Variants in THSD7B observed in about 807,000 individuals in gnomAD.
THSD7B encodes thrombospondin type 1 domain containing 7B, also known as thrombospondin type-1 domain-containing protein 7B.
In THSD7B, 138 loss-of-function variants were observed where a neutral mutation model predicts 213.6. That is an observed-to-expected ratio of 0.65 (90% CI 0.56 to 0.74). THSD7B has a LOEUF of 0.74. THSD7B is among the 30% of genes least tolerant of loss of function. The pLI is 0.00. For synonymous variants in THSD7B, 742 were observed against 687.0 expected, an observed-to-expected ratio of 1.08 and a Z score of -1.25; for missense variants, 1,931 against 1,991.5, an observed-to-expected ratio of 0.97 and a Z score of 0.58.
chr2:137,381,946 G>A (rs1307537844), intron 12 of THSD7B, among the ~76,000 whole-genome samples: 1 of 152,146 alleles, frequency 6.6e-6, no homozygotes, highest in Non-Finnish European at 1.5e-5. Flanking sequence ...TGTGAAATGA[G>A]CGATCCACTG....
At chr2:137,539,435 T>C (rs983829731) in intron 15 of THSD7B, among the ~76,000 whole-genome samples, 13 of 151,634 alleles carry the variant, frequency 8.6e-5, no homozygotes, top group Non-Finnish European at 1.5e-4. Context: ...GATTTTAAGA[T>C]CCAAGAATGT....
intron 12 of THSD7B, among the ~76,000 whole-genome samples, chr2:137,309,214 G>C (rs1683828859): frequency 1.3e-5 from 2 of 151,722 alleles, no homozygotes; most frequent in Middle Eastern, 3.2e-3. Context: ...ACTCATTTTT[G>C]TACTTGAATT....
chr2:137,559,435 A>T (rs1681059029), intron 15 of THSD7B, among the ~76,000 whole-genome samples: 1 of 152,198 alleles, frequency 6.6e-6, no homozygotes, highest in African/African-American at 2.4e-5. Flanking sequence ...CTGATTTTTG[A>T]CAAACCTGAC....
chr2:137,273,815 T>C (rs1311565646), intron 11 of THSD7B, among the ~76,000 whole-genome samples: 1 of 152,092 alleles, frequency 6.6e-6, no homozygotes, highest in Non-Finnish European at 1.5e-5. Context: ...CTGTCAATAT[T>C]CATCCTTTTG....
intron 1 of THSD7B, among the ~76,000 whole-genome samples, chr2:136,846,318 G>C (rs545391845): frequency 2.5e-4 from 38 of 152,252 alleles, no homozygotes; most frequent in African/African-American, 8.9e-4. Context: ...GTACTGAGCA[G>C]ATGTCTTGAA....
chr2:137,411,019 A>G (rs554754676), intron 13 of THSD7B, among the ~76,000 whole-genome samples: 1 of 152,364 alleles, frequency 6.6e-6, no homozygotes, highest in South Asian at 2.1e-4. Flanking sequence ...GTAAAGTCAT[A>G]TTTCAGAATA....
intron 1 of THSD7B, among the ~76,000 whole-genome samples, chr2:136,774,965 A>G (rs1277970824): frequency 6.6e-6 from 1 of 152,094 alleles, no homozygotes; most frequent in Non-Finnish European, 1.5e-5. Context: ...AAGAGTATTT[A>G]TTGTGCACCT....
chr2:137,586,527 C>G (rs909976166), intron 17 of THSD7B, among the ~76,000 whole-genome samples: 8 of 152,136 alleles, frequency 5.3e-5, no homozygotes, highest in African/African-American at 1.9e-4. Context: ...ATAGGGCAGG[C>G]TTGGTGGTGA....
intron 15 of THSD7B, among the ~76,000 whole-genome samples, chr2:137,539,419 G>T (rs1358318478): frequency 6.6e-6 from 1 of 151,556 alleles, no homozygotes; most frequent in Admixed American, 6.6e-5. Context: ...TGGTTGTTAG[G>T]AGGCAGATTT....
intron 12 of THSD7B, among the ~76,000 whole-genome samples, chr2:137,336,427 C>T (rs1019452854): frequency 6.6e-6 from 1 of 152,130 alleles, no homozygotes; most frequent in South Asian, 2.1e-4. Context: ...CGAGATTTTG[C>T]AGTATCAGTG....
chr2:137,463,895 C>T (rs1200112002), intron 15 of THSD7B, among the ~76,000 whole-genome samples: 4 of 152,088 alleles, frequency 2.6e-5, no homozygotes, highest in Non-Finnish European at 5.9e-5. Flanking sequence ...ACAAAGGCAG[C>T]TTCTGCACAG....
chr2:137,397,439 G>T (rs575645817), intron 12 of THSD7B, among the ~76,000 whole-genome samples: 8 of 152,100 alleles, frequency 5.3e-5, no homozygotes, highest in Middle Eastern at 3.4e-3. Flanking sequence ...AGTTTGGCTG[G>T]ATATGAAATT....
chr2:137,150,023 C>T (rs1404552765), intron 5 of THSD7B, among the ~76,000 whole-genome samples: 1 of 152,062 alleles, frequency 6.6e-6, no homozygotes, highest in African/African-American at 2.4e-5. Context: ...GGGCAGATCA[C>T]CTGAGGTCAG....
intron 2 of THSD7B, among the ~76,000 whole-genome samples, chr2:136,896,794 A>T (rs1683967136): frequency 6.6e-6 from 1 of 152,120 alleles, no homozygotes; most frequent in Non-Finnish European, 1.5e-5. Context: ...TGTTGTAAAA[A>T]CTATGGAAAT....
intron 2 of THSD7B, among the ~76,000 whole-genome samples, chr2:137,039,803 A>G (rs1686847337): frequency 6.6e-6 from 1 of 152,178 alleles, no homozygotes; most frequent in Admixed American, 6.5e-5. Flanking sequence ...CGTTTAAACT[A>G]TTTACTGCCA....
At chr2:137,083,564 A>G (rs983272768) in intron 3 of THSD7B, among the ~76,000 whole-genome samples, 2 of 152,010 alleles carry the variant, frequency 1.3e-5, no homozygotes, top group African/African-American at 2.4e-5. Flanking sequence ...ATATGTTTCT[A>G]TTAGTTTGCC....
At chr2:137,002,820 A>T (rs1348242756) in intron 2 of THSD7B, among the ~76,000 whole-genome samples, 1 of 152,130 alleles carries the variant, frequency 6.6e-6, no homozygotes, top group East Asian at 1.9e-4. Flanking sequence ...TATTTCCCTG[A>T]ATCATATTAA....
intron 15 of THSD7B, among the ~76,000 whole-genome samples, chr2:137,528,472 T>A (rs1680320856): frequency 6.6e-6 from 1 of 152,138 alleles, no homozygotes; most frequent in Non-Finnish European, 1.5e-5. Flanking sequence ...GCTGGAATAT[T>A]GTAAATTAAA....
At chr2:137,337,410 G>A (rs1229348652) in intron 12 of THSD7B, among the ~76,000 whole-genome samples, 3 of 152,030 alleles carry the variant, frequency 2.0e-5, no homozygotes, top group African/African-American at 7.2e-5. Flanking sequence ...TGATTAGATT[G>A]AGGTTACACT....
Sources: gnomAD v4.1 joint callset for allele counts (sites outside exome capture counted in the v4.1 genomes callset) on GRCh38, gnomAD v4.1.1 for gene constraint, MANE v1.5 for transcripts, NCBI Gene and HGNC (gene_info 2026-07-23, HGNC 2026-07-21) for gene names.